The following DGKG variants were observed in gnomAD, a reference collection of about 807,000 sequenced individuals.
DGKG encodes diacylglycerol kinase gamma, also known as DAG kinase gamma.
In DGKG, 78 loss-of-function variants were observed where a neutral mutation model predicts 105.3. That is an observed-to-expected ratio of 0.74 (90% CI 0.62 to 0.89). The LOEUF is 0.89. DGKG is among the 40% of genes least tolerant of loss of function. The pLI, the probability that DGKG is intolerant of heterozygous loss-of-function variation, is 0.00. For synonymous variants in DGKG, 346 were observed against 367.1 expected (o/e 0.94, Z 0.66); for missense variants, 958 against 1,020.1 (o/e 0.94, Z 0.83).
chr3:186,278,397 A>C (rs1722680861), intron 9 of DGKG, among the ~76,000 whole-genome samples: 1 of 152,092 alleles, frequency 6.6e-6, no homozygotes, highest in South Asian at 2.1e-4. Flanking sequence ...CTTGTACATA[A>C]AGCTTCTTGG....
chr3:186,290,355 C>T (rs2108605420), intron 5 of DGKG, among the ~76,000 whole-genome samples: 1 of 152,246 alleles, frequency 6.6e-6, no homozygotes, highest in Middle Eastern at 3.4e-3. Flanking sequence ...AACATGGGAA[C>T]AGGCCTTTGT....
chr3:186,307,321 C>T (rs528916609), intron 2 of DGKG, among the ~76,000 whole-genome samples: 1 of 152,304 alleles, frequency 6.6e-6, no homozygotes, highest in East Asian at 1.9e-4. Flanking sequence ...TTTTATTTAT[C>T]CTATTCCTCA....
intron 21 of DGKG, among the ~76,000 whole-genome samples, chr3:186,197,885 C>T (rs1379298281): frequency 6.6e-6 from 1 of 152,216 alleles, no homozygotes; most frequent in Non-Finnish European, 1.5e-5. Flanking sequence ...TGAGGCTTTC[C>T]TCAATGCTCT....
At chr3:186,271,872 C>A (rs1722332591) in intron 11 of DGKG, among the ~76,000 whole-genome samples, 1 of 152,236 alleles carries the variant, frequency 6.6e-6, no homozygotes, top group African/African-American at 2.4e-5. Flanking sequence ...GTTCAAGACA[C>A]AACTGCAATG....
chr3:186,272,413 C>T, intron 10 of DGKG, 70 bp from the exon 11 acceptor site: 1 of 1,154,426 alleles, frequency 8.7e-7, no homozygotes, highest in Non-Finnish European at 1.3e-6. Context: ...TGCCCTCCCA[C>T]CCTAGCCAAG....
chr3:186,253,531 A>G (rs1420573417), intron 17 of DGKG, among the ~76,000 whole-genome samples: 1 of 152,192 alleles, frequency 6.6e-6, no homozygotes, highest in Non-Finnish European at 1.5e-5. Flanking sequence ...GATAATCAGC[A>G]CTTACTCCAT....
intron 21 of DGKG, among the ~76,000 whole-genome samples, chr3:186,189,696 C>A (rs1175357306): frequency 6.6e-6 from 1 of 152,150 alleles, no homozygotes. Flanking sequence ...AGTGACTCAC[C>A]TCCTGATTTC....
Position 186,226,647 on chromosome 3 carries a change from A to G in DGKG, c.1827-14762T>C, listed in dbSNP as rs1355711727. On this transcript the variant is annotated intron_variant, in intron 20 of 24. Coordinates refer to ENST00000265022, the MANE Select transcript of DGKG (RefSeq NM_001346.3). The surrounding 1 kb of genome is among the most constrained non-coding windows in gnomAD (Gnocchi z 4.2). ...ACTCTGTGGTAACCCAAAACTGGAGATTACAGACCCGCTTTCAGCTTATTG... is the reference window on the plus strand; with the variant it reads ...ACTCTGTGGTAACCCAAAACTGGAGGTTACAGACCCGCTTTCAGCTTATTG... Among the ~76,000 whole-genome samples, 1 of 152,176 alleles carries G rather than the reference A, an allele frequency of 6.6e-6. No homozygotes were observed. Among genetic ancestry groups the G allele is most frequent in the Non-Finnish European group, 1.5e-5 (1 of 68,032 alleles).
At chr3:186,270,112 G>T (rs1326347108) in intron 11 of DGKG, among the ~76,000 whole-genome samples, 2 of 140,292 alleles carry the variant, frequency 1.4e-5, no homozygotes, top group Non-Finnish European at 1.5e-5. Context: ...TTCTGTCCAG[G>T]TTTGTATTAA....
chr3:186,187,060 C>G (rs1356319230), intron 22 of DGKG, among the ~76,000 whole-genome samples: 1 of 152,138 alleles, frequency 6.6e-6, no homozygotes, highest in African/African-American at 2.4e-5. Flanking sequence ...AAGAGGAGGT[C>G]TGGGAGGTAA....
chr3:186,247,592 G>C (rs567869116), intron 19 of DGKG, among the ~76,000 whole-genome samples: 1 of 152,208 alleles, frequency 6.6e-6, no homozygotes, highest in African/African-American at 2.4e-5. Context: ...GCAAATGTCA[G>C]CCCCAGACTC....
intron 1 of DGKG, among the ~76,000 whole-genome samples, chr3:186,328,917 C>A (rs537475956): frequency 6.6e-6 from 1 of 152,186 alleles, no homozygotes; most frequent in South Asian, 2.1e-4. Context: ...AAGTTAGGGG[C>A]CTAAAACATT....
At chr3:186,194,669 G>A (rs191639103) in intron 21 of DGKG, among the ~76,000 whole-genome samples, 52 of 152,186 alleles carry the variant, frequency 3.4e-4, no homozygotes, top group African/African-American at 1.2e-3. Context: ...AGGCCAGATC[G>A]GAGGTGGAAG....
chr3:186,323,364 A>G (rs1044618812), intron 1 of DGKG, among the ~76,000 whole-genome samples: 11 of 152,200 alleles, frequency 7.2e-5, no homozygotes, highest in African/African-American at 2.2e-4. Context: ...TGCTTTATAT[A>G]CATTATCTAA....
At chr3:186,197,872 C>G (rs1047229757) in intron 21 of DGKG, among the ~76,000 whole-genome samples, 2 of 152,210 alleles carry the variant, frequency 1.3e-5, no homozygotes, top group Non-Finnish European at 2.9e-5. Context: ...GCTTTCTCCT[C>G]TATGAGGCTT....
rs779847882 is a variant in DGKG at position 186,298,093 on chromosome 3, C to G, written c.281G>C (p.Gly94Ala). Residue 94 changes from glycine (G) to alanine (A), a missense_variant, in exon 4 of 25, where the codon GGA becomes GCA. This residue lies in a region of DGKG where 643 missense variants were observed against 619.5 expected (regional missense o/e 1.04). Coordinates refer to ENST00000265022, the MANE Select transcript of DGKG (RefSeq NM_001346.3). ...RHETSDHPTEGASNSEANSAD... is the reference protein window; with the variant it reads ...RHETSDHPTEAASNSEANSAD... ...GCTGTTGGCCTCACTGTTGCTGGCT[C>G]CCTCCGTCGGGTGGTCAGAGGTCTC... The G allele has an allele frequency of 6.2e-7, 1 of 1,612,972 alleles. No homozygotes were observed. Among genetic ancestry groups the G allele is most frequent in the African/African-American group, 1.3e-5 (1 of 74,896 alleles).
At chr3:186,288,160 T>A (rs1456809528) in intron 6 of DGKG, among the ~76,000 whole-genome samples, 2 of 152,158 alleles carry the variant, frequency 1.3e-5, no homozygotes, top group Admixed American at 1.3e-4. Context: ...TCAACTCCTT[T>A]AATTAACTGG....
intron 1 of DGKG, among the ~76,000 whole-genome samples, chr3:186,325,629 T>C (rs933794793): frequency 6.6e-6 from 1 of 152,092 alleles, no homozygotes; most frequent in Admixed American, 6.6e-5. Flanking sequence ...GTTAGGAGTC[T>C]ATTGTAAGTA....
Position 186,343,889 on chromosome 3 carries a change from A to G in DGKG, c.-249+18057T>C, listed in dbSNP as rs991066416. Among the ~76,000 whole-genome samples the G allele has an allele frequency of 2.6e-5, 4 of 152,158 alleles. No individual in the cohort carries two copies. In the East Asian group the frequency reaches 5.8e-4, roughly 22 times the overall value. ...TGAGCATTATTTGGTGTTACTAAACATTCCTCAATACCAGCAAAACAATAC... is the reference window on the plus strand; with the variant it reads ...TGAGCATTATTTGGTGTTACTAAACGTTCCTCAATACCAGCAAAACAATAC... On this transcript the variant is annotated intron_variant, in intron 1 of 24. Coordinates refer to ENST00000265022, the MANE Select transcript of DGKG (RefSeq NM_001346.3).
Sources: gnomAD v4.1 joint callset for allele counts (sites outside exome capture counted in the v4.1 genomes callset) on GRCh38, gnomAD v4.1.1 for gene constraint, gnomAD v4.1.1 regional missense constraint, Gnocchi (gnomAD v3.1) non-coding constraint, MANE v1.5 for transcripts, NCBI Gene and HGNC (gene_info 2026-07-23, HGNC 2026-07-21) for gene names.